Variants in FBXO36 observed in about 807,000 individuals in gnomAD.
The protein encoded by FBXO36 is F-box protein 36.
In FBXO36, 18 loss-of-function variants were observed where a neutral mutation model predicts 17.0. That is an observed-to-expected ratio of 1.06 (90% CI 0.73 to 1.57). FBXO36 has a LOEUF of 1.57. Among genes scored for constraint, FBXO36 ranks in the 40% most tolerant of loss-of-function variants. FBXO36 has a pLI of 0.00. For missense variants in FBXO36, 229 were observed against 221.9 expected, an observed-to-expected ratio of 1.03 and a Z score of -0.20; for synonymous variants, 83 against 85.3, an observed-to-expected ratio of 0.97 and a Z score of 0.15.
At position 229,923,724 on chromosome 2, in the gene FBXO36, C is replaced by T. The variant is rs527456613; in HGVS notation, c.96+1115C>T. On this transcript the variant is annotated intron_variant, in intron 1 of 3. Transcript: ENST00000283946. Reference sequence around the variant, plus strand: ...TGCTCCTTGCGGAGCAGGGCTAATTCATAGGCAGTGGGCCCAGGGTCAGAC... The same window carrying T: ...TGCTCCTTGCGGAGCAGGGCTAATTTATAGGCAGTGGGCCCAGGGTCAGAC... Among the ~76,000 whole-genome samples, 46 of 151,774 alleles carry T rather than the reference C, an allele frequency of 3.0e-4. 1 individual carries two copies. Among genetic ancestry groups the T allele is most frequent in the African/African-American group, 1.0e-3 (42 of 41,460 alleles).
At chr2:229,959,800 C>A (rs2077111296) in intron 1 of FBXO36, among the ~76,000 whole-genome samples, 1 of 151,636 alleles carries the variant, frequency 6.6e-6, no homozygotes, top group South Asian at 2.1e-4. Flanking sequence ...GAGCCAAGAT[C>A]GTCCCACTGC....
rs909247457 is a variant in FBXO36 at position 229,996,699 on chromosome 2, T to G, written c.206-52T>G. 3.3e-6 allele frequency: 5 copies of G among 1,527,302 alleles called. No homozygotes were observed. In the Admixed American group the frequency reaches 6.1e-5, roughly 19 times the overall value. The allele number at this position is 1,527,302 out of a possible 1,614,324, so 94.6% of individuals were successfully genotyped here. ...GCTTGTATTTCACTGATTGTTATTA[T>G]AATTTTTATGTGACTGTATATGATA... On this transcript the variant is annotated intron_variant, in intron 2 of 3. Transcript: ENST00000283946.
chr2:229,988,863 A>G (rs1464096810), intron 2 of FBXO36, among the ~76,000 whole-genome samples: 1 of 136,332 alleles, frequency 7.3e-6, no homozygotes, highest in Admixed American at 7.9e-5. Context: ...TTTTTACCGC[A>G]TAGTATTTAT....
intron 2 of FBXO36, among the ~76,000 whole-genome samples, chr2:229,996,104 C>T (rs1047709331): frequency 6.6e-6 from 1 of 151,204 alleles, no homozygotes; most frequent in Non-Finnish European, 1.5e-5. Flanking sequence ...AATAAGACTC[C>T]ATCTCTAAAA....
Position 229,971,488 on chromosome 2 carries a change from GA to G in FBXO36, c.97-4744del, listed in dbSNP as rs374189687. 2.0e-4 allele frequency among the ~76,000 whole-genome samples: 31 copies of G among 151,232 alleles called. 1 individual carries two copies. Among genetic ancestry groups the G allele is most frequent in the East Asian group, 9.7e-4 (5 of 5,150 alleles). ...TGCCCATACCAATTGCTGGCAGGGG[GA>G]AAAAAAAATCTACCCAGAAATGACT... On this transcript the variant is annotated intron_variant, in intron 1 of 3. Coordinates refer to ENST00000283946, the MANE Select transcript of FBXO36 (RefSeq NM_174899.5).
At chr2:229,971,991 C>CTT (rs918029152) in intron 1 of FBXO36, among the ~76,000 whole-genome samples, 2,853 of 103,996 alleles carry the variant, frequency 0.027, 199 homozygotes, top group African/African-American at 0.1. Flanking sequence ...GTATCCAATT[C>CTT]TTTTTTTTTT....
At chr2:230,009,655 C>T (rs1363971180) in intron 3 of FBXO36, among the ~76,000 whole-genome samples, 2 of 152,112 alleles carry the variant, frequency 1.3e-5, no homozygotes, top group Non-Finnish European at 1.5e-5. Flanking sequence ...GTTATAAATA[C>T]AACTTCCGGC....
chr2:230,008,358 CG>C (rs1003721023), intron 3 of FBXO36, among the ~76,000 whole-genome samples: 19 of 152,032 alleles, frequency 1.2e-4, no homozygotes, highest in African/African-American at 4.3e-4. Context: ...GCACCACCAC[CG>C]GGGGGCGCTA....
intron 1 of FBXO36, among the ~76,000 whole-genome samples, chr2:229,936,522 TTAA>T (rs1263713855): frequency 3.3e-5 from 5 of 152,290 alleles, no homozygotes; most frequent in African/African-American, 4.8e-5. Flanking sequence ...TAAGTTCAGA[TTAA>T]TAATATTTAC....
At chr2:229,969,464 G>A (rs1291284331) in intron 1 of FBXO36, among the ~76,000 whole-genome samples, 4 of 151,930 alleles carry the variant, frequency 2.6e-5, no homozygotes, top group Non-Finnish European at 4.4e-5. Context: ...TGAGGCGGGT[G>A]GATCACGAGG....
chr2:229,948,667 C>T (rs914322497), intron 1 of FBXO36, among the ~76,000 whole-genome samples: 3 of 152,084 alleles, frequency 2.0e-5, no homozygotes, highest in African/African-American at 7.2e-5. Context: ...CTTTTCATCT[C>T]TTCCTCCTTC....
intron 1 of FBXO36, among the ~76,000 whole-genome samples, chr2:229,955,485 C>T (rs144872389): frequency 6.6e-6 from 1 of 151,508 alleles, no homozygotes; most frequent in Non-Finnish European, 1.5e-5. Flanking sequence ...CACTGCAGTC[C>T]AGCCCGGGCA....
At chr2:229,955,444 A>T (rs1468130615) in intron 1 of FBXO36, among the ~76,000 whole-genome samples, 1 of 151,748 alleles carries the variant, frequency 6.6e-6, no homozygotes, top group Non-Finnish European at 1.5e-5. Context: ...TGAATCCAGG[A>T]GGTCAAGGCT....
intron 1 of FBXO36, among the ~76,000 whole-genome samples, chr2:229,962,929 G>A (rs1031939273): frequency 2.0e-5 from 3 of 151,254 alleles, no homozygotes; most frequent in South Asian, 4.2e-4. Flanking sequence ...CACCCATCTT[G>A]GCCTCCCAAA....
rs568896930 is a variant in FBXO36 at position 229,987,069 on chromosome 2, A to G, written c.206-9682A>G. Among the ~76,000 whole-genome samples, 53 of 151,752 alleles carry G rather than the reference A, an allele frequency of 3.5e-4. 1 individual carries two copies. In the South Asian group the frequency reaches 7.5e-3, roughly 22 times the overall value. On this transcript the variant is annotated intron_variant, in intron 2 of 3. Coordinates refer to ENST00000283946, the MANE Select transcript of FBXO36 (RefSeq NM_174899.5). Reference sequence around the variant, plus strand: ...CCCATCTCTACTAAAAATATAAAAAAATTAGCCAGGCGTGTTGGCGCACAA... The same window carrying G: ...CCCATCTCTACTAAAAATATAAAAAGATTAGCCAGGCGTGTTGGCGCACAA...
chr2:229,932,248 C>T (rs2076942456), intron 1 of FBXO36, among the ~76,000 whole-genome samples: 1 of 151,902 alleles, frequency 6.6e-6, no homozygotes, highest in African/African-American at 2.4e-5. Context: ...GGGCCCGGCA[C>T]GGTGGCTTAC....
chr2:229,968,042 C>T (rs1340172873), intron 1 of FBXO36, among the ~76,000 whole-genome samples: 1 of 152,004 alleles, frequency 6.6e-6, no homozygotes, highest in Non-Finnish European at 1.5e-5. Flanking sequence ...TTAAGTATTG[C>T]CTCAATTTCA....
intron 1 of FBXO36, among the ~76,000 whole-genome samples, chr2:229,947,316 C>T (rs558404167): frequency 1.7e-4 from 26 of 152,240 alleles, no homozygotes; most frequent in African/African-American, 5.8e-4. Flanking sequence ...AAGTAGGGAG[C>T]TGGAATAATT....
chr2:230,003,812 C>T (rs1417536780), intron 3 of FBXO36, among the ~76,000 whole-genome samples: 1 of 152,236 alleles, frequency 6.6e-6, no homozygotes, highest in Admixed American at 6.5e-5. Context: ...AGATTACAGG[C>T]ATGAGCCACC....
Sources: allele counts gnomAD v4.1 joint callset (sites outside exome capture counted in the v4.1 genomes callset), GRCh38; gene constraint gnomAD v4.1.1; transcripts MANE v1.5; gene names NCBI Gene and HGNC (gene_info 2026-07-23, HGNC 2026-07-21).